OPCML: variants seen among roughly 807,000 people sequenced by gnomAD.
OPCML encodes the protein opioid-binding protein/cell adhesion molecule.
OPCML carries 13 observed loss-of-function variants against 37.8 expected under a neutral mutation model. The observed-to-expected ratio is 0.34, with a 90% CI of 0.22 to 0.55. The LOEUF (loss-of-function observed/expected upper bound fraction) is 0.55. Among genes scored for constraint, OPCML ranks in the 20% least tolerant of loss-of-function variants. The pLI, the probability that OPCML is intolerant of heterozygous loss-of-function variation, is 0.91. For synonymous variants in OPCML, 176 were observed against 168.8 expected, an observed-to-expected ratio of 1.04 and a Z score of -0.33; for missense variants, 341 against 435.6, an observed-to-expected ratio of 0.78 and a Z score of 1.93.
intron 1 of OPCML, among the ~76,000 whole-genome samples, chr11:133,512,846 C>T (rs553718199): frequency 6.6e-6 from 1 of 152,300 alleles, no homozygotes; most frequent in African/African-American, 2.4e-5. Context: ...CTCCTAGGAT[C>T]CCTATCTACA....
chr11:133,503,336 T>C (rs1182251288), intron 1 of OPCML, among the ~76,000 whole-genome samples: 1 of 152,050 alleles, frequency 6.6e-6, no homozygotes, highest in East Asian at 1.9e-4. Context: ...TTTGAGAAGA[T>C]TTAGAAACAT....
intron 3 of OPCML, among the ~76,000 whole-genome samples, chr11:132,551,975 C>G (rs2096382722): frequency 6.6e-6 from 1 of 152,114 alleles, no homozygotes; most frequent in Admixed American, 6.6e-5. Context: ...GTCTGTGCTC[C>G]CCTCAATTCC....
intron 2 of OPCML, among the ~76,000 whole-genome samples, chr11:132,705,436 TAAC>T (rs958333818): frequency 6.6e-6 from 1 of 151,442 alleles, no homozygotes; most frequent in African/African-American, 2.4e-5. Flanking sequence ...ACAAAAAAAA[TAAC>T]AAATTCAGCT....
intron 2 of OPCML, among the ~76,000 whole-genome samples, chr11:132,730,008 C>CTTTTTTTTTT (rs11389495): frequency 4.5e-5 from 4 of 88,472 alleles, no homozygotes; most frequent in Non-Finnish European, 8.2e-5. Flanking sequence ...TTCTATGTGA[C>CTTTTTTTTTT]TTTTTTTTTT....
chr11:133,369,255 G>C (rs749774632), intron 1 of OPCML, among the ~76,000 whole-genome samples: 41 of 152,162 alleles, frequency 2.7e-4, no homozygotes, highest in Admixed American at 1.3e-4. Flanking sequence ...GAAATTTCTT[G>C]TCCTTGGAAA....
chr11:132,744,173 G>T (rs527900848), intron 2 of OPCML, among the ~76,000 whole-genome samples: 2 of 152,088 alleles, frequency 1.3e-5, no homozygotes, highest in South Asian at 2.1e-4. Flanking sequence ...CAGAAAATAC[G>T]TGCCTATGTT....
chr11:133,371,545 T>A (rs1944676684), intron 1 of OPCML, among the ~76,000 whole-genome samples: 1 of 151,990 alleles, frequency 6.6e-6, no homozygotes, highest in Non-Finnish European at 1.5e-5. Flanking sequence ...TGAGAGTGAG[T>A]CAGTTCTCAC....
intron 3 of OPCML, among the ~76,000 whole-genome samples, chr11:132,606,561 C>G (rs1209890523): frequency 6.6e-6 from 1 of 152,054 alleles, no homozygotes; most frequent in Non-Finnish European, 1.5e-5. Flanking sequence ...CCACCACCCC[C>G]GTCTCCCACC....
intron 4 of OPCML, among the ~76,000 whole-genome samples, chr11:132,517,755 A>T (rs1356728115): frequency 6.6e-6 from 1 of 152,140 alleles, no homozygotes; most frequent in Non-Finnish European, 1.5e-5. Flanking sequence ...TGGGCTTTTC[A>T]TTTGCTATGA....
At chr11:133,467,846 T>G (rs1156292447) in intron 1 of OPCML, among the ~76,000 whole-genome samples, 1 of 152,244 alleles carries the variant, frequency 6.6e-6, no homozygotes, top group Admixed American at 6.5e-5. Context: ...ACACTCATTC[T>G]GCTGTTGGGA....
intron 1 of OPCML, among the ~76,000 whole-genome samples, chr11:133,255,365 C>T (rs1196012613): frequency 6.6e-6 from 1 of 152,098 alleles, no homozygotes; most frequent in Non-Finnish European, 1.5e-5. Flanking sequence ...TAGGAAGACA[C>T]TTCCAGTCGA....
chr11:133,081,812 C>A (rs115980945), intron 1 of OPCML, among the ~76,000 whole-genome samples: 7,150 of 152,152 alleles, frequency 0.047, 547 homozygotes, highest in African/African-American at 0.16. Flanking sequence ...GTTCGAATGG[C>A]AGGTGAAGCG....
intron 2 of OPCML, among the ~76,000 whole-genome samples, chr11:132,797,035 A>G (rs2082994895): frequency 1.3e-5 from 2 of 152,208 alleles, no homozygotes; most frequent in Admixed American, 1.3e-4. Flanking sequence ...ATGATTTGCA[A>G]ATATTTTCTC....
chr11:133,244,722 C>T (rs575648875), intron 1 of OPCML, among the ~76,000 whole-genome samples: 4 of 151,682 alleles, frequency 2.6e-5, no homozygotes, highest in South Asian at 4.1e-4. Context: ...CCTGCTCTCG[C>T]CATATGAGGA....
chr11:132,551,395 G>A (rs2096381353), intron 3 of OPCML, among the ~76,000 whole-genome samples: 1 of 152,002 alleles, frequency 6.6e-6, no homozygotes. Flanking sequence ...GTTTATAGTT[G>A]AAAACAAAGA....
chr11:133,127,497 G>T (rs547797876), intron 1 of OPCML, among the ~76,000 whole-genome samples: 1 of 151,952 alleles, frequency 6.6e-6, no homozygotes, highest in Non-Finnish European at 1.5e-5. Context: ...GCCAGGCATG[G>T]TGATGCATGT....
chr11:133,257,964 T>C (rs891838014), intron 1 of OPCML, among the ~76,000 whole-genome samples: 4 of 152,116 alleles, frequency 2.6e-5, no homozygotes, highest in Admixed American at 1.3e-4. Context: ...GAAAACCTTA[T>C]TGGACTTCAG....
Position 133,174,210 on chromosome 11 carries a change from A to G in OPCML, c.62-231200T>C, listed in dbSNP as rs1950332558. Among the ~76,000 whole-genome samples, 1 of 152,180 alleles carries G rather than the reference A, an allele frequency of 6.6e-6. No homozygotes were observed. Among genetic ancestry groups the G allele is most frequent in the South Asian group, 2.1e-4 (1 of 4,834 alleles). On this transcript the variant is annotated intron_variant, in intron 1 of 7. Transcript: ENST00000524381. The surrounding 1 kb of genome is among the most constrained non-coding windows in gnomAD (Gnocchi z 4.6). ...TGCTTCCCTCCCCTACCACGACAGG[A>G]AGAAGGAAATGGAGCTCCGGAGTAA...
At chr11:132,819,493 T>A (rs1939846951) in intron 2 of OPCML, among the ~76,000 whole-genome samples, 2 of 152,146 alleles carry the variant, frequency 1.3e-5, no homozygotes, top group Non-Finnish European at 2.9e-5. Context: ...TCTGAAATCA[T>A]TAACCCAATA....
Sources: gnomAD v4.1 joint callset for allele counts (sites outside exome capture counted in the v4.1 genomes callset) on GRCh38, gnomAD v4.1.1 for gene constraint, Gnocchi (gnomAD v3.1) non-coding constraint, MANE v1.5 for transcripts, NCBI Gene and HGNC (gene_info 2026-07-23, HGNC 2026-07-21) for gene names.